Variants in CD163L1 observed in about 807,000 individuals in gnomAD.
CD163L1 encodes scavenger receptor cysteine-rich type 1 protein M160.
Under a neutral mutation model 165.4 loss-of-function variants are expected in CD163L1, and 124 were observed. That is an observed-to-expected ratio of 0.75 (90% CI 0.65 to 0.87). The LOEUF is 0.87. CD163L1 is among the 40% of genes least tolerant of loss of function. CD163L1 has a pLI of 0.00. For missense variants in CD163L1, 1,525 were observed against 1,799.9 expected, an observed-to-expected ratio of 0.85 and a Z score of 2.76; for synonymous variants, 585 against 662.2, an observed-to-expected ratio of 0.88 and a Z score of 1.79.
At chr12:7,322,464 C>T in the CD163L1 span, 5 of 1,613,880 alleles carry the variant, frequency 3.1e-6, no homozygotes, top group Non-Finnish European at 4.2e-6. Flanking sequence ...AGGGGAGCCA[C>T]TCAACCCAGA....
At chr12:7,320,652 G>A in the CD163L1 span, 3 of 1,247,694 alleles carry the variant, frequency 2.4e-6, no homozygotes, top group East Asian at 7.1e-5. Flanking sequence ...AAAATAACAG[G>A]GTGTAGATAT....
At chr12:7,339,570 G>A in the CD163L1 span, among the ~76,000 whole-genome samples, 1 of 152,080 alleles carries the variant, frequency 6.6e-6, no homozygotes, top group Admixed American at 6.6e-5. Context: ...GTGCCAGATA[G>A]CTAACCCCAT....
At position 7,433,609 on chromosome 12, in the gene CD163L1, C is replaced by T. The variant is rs748119744; in HGVS notation, c.210G>A (p.Gly70=). 6.2e-7 allele frequency: 1 copy of T among 1,614,006 alleles called. No individual in the cohort carries two copies. Among genetic ancestry groups the T allele is most frequent in the African/African-American group, 1.3e-5 (1 of 74,922 alleles). Residue 70 remains glycine, a synonymous_variant, in exon 3 of 20, where the codon GGG becomes GGA. Transcript: ENST00000313599. Reference sequence around the variant, plus strand: ...TGTTCCACCCATCATCACACACAGTCCCCCACTGTCCCTGGAATTTCACCT... The same window carrying T: ...TGTTCCACCCATCATCACACACAGTTCCCCACTGTCCCTGGAATTTCACCT... ...TVEVKFQGQW[G]TVCDDGWNTT...
chr12:7,376,577 A>G (rs74056468), intron 9 of CD163L1, among the ~76,000 whole-genome samples: 2,691 of 152,274 alleles, frequency 0.018, 69 homozygotes, highest in African/African-American at 0.059. Flanking sequence ...TTTCTTATAG[A>G]TATCTCAATG....
At position 7,375,533 on chromosome 12, in the gene CD163L1, C is replaced by T. The variant is rs774576441; in HGVS notation, c.2749G>A (p.Val917Met). 1.3e-5 allele frequency: 21 copies of T among 1,613,818 alleles called. No homozygotes were observed. Among genetic ancestry groups the T allele is most frequent in the East Asian group, 1.1e-4 (5 of 44,902 alleles). ...SQCDGQVEIN[V>M]LGHWGSLCDT... is the part of the protein sequence containing the mutation. ...CACAGTGAGCCCCAGTGTCCAAGCA[C>T]GTTGATCTCCACTTGCCCGTCACAC... Residue 917 changes from valine (V) to methionine (M), a missense_variant, in exon 11 of 20, where the codon GTG (valine) becomes ATG (methionine). By Grantham distance (21) the Val-to-Met change is conservative. Coordinates refer to ENST00000313599, the MANE Select transcript of CD163L1 (RefSeq NM_174941.6).
the CD163L1 span, among the ~76,000 whole-genome samples, chr12:7,321,850 C>T: frequency 6.6e-6 from 1 of 152,170 alleles, no homozygotes; most frequent in Non-Finnish European, 1.5e-5. Context: ...TTAAGAGCCC[C>T]CTCATAAGGT....
chr12:7,380,275 GT>G (rs1591900909), intron 8 of CD163L1, among the ~76,000 whole-genome samples: 10 of 128 alleles, frequency 0.078, no homozygotes, highest in South Asian at 0.25. Flanking sequence ...AGAAACTGTG[GT>G]GTGTGTGTGT....
chr12:7,334,027 C>G, the CD163L1 span, among the ~76,000 whole-genome samples: 2 of 151,864 alleles, frequency 1.3e-5, no homozygotes, highest in Non-Finnish European at 2.9e-5. Context: ...AAGTCCAGGA[C>G]CAGATGGATT....
Position 7,374,731 on chromosome 12 carries a change from A to G in CD163L1, c.3120T>C (p.Asp1040=), listed in dbSNP as rs1046433866. The stretch of plus-strand genomic sequence containing the variant: ...CTCTCCCGGCACAGCGGCTGTCCCC[A>G]TCCACTAGGCGGAGCCGTTTGTCCT... ...CLEDKRLRLV[D]GDSRCAGRVE... is the part of the protein sequence containing the mutation. The change falls in exon 13 of 20, where the codon GAT becomes GAC. Residue 1040 remains aspartate (D), a synonymous_variant. Coordinates refer to ENST00000313599, the MANE Select transcript of CD163L1 (RefSeq NM_174941.6). This position sits in a 1 kb window ranked among gnomAD's most constrained non-coding sequence, Gnocchi z 5.4. 2 of 1,613,776 alleles carry G rather than the reference A, an allele frequency of 1.2e-6. No homozygotes were observed. The highest frequency in any genetic ancestry group is 1.1e-5 in the South Asian group (1 of 91,052).
At chr12:7,376,887 C>T (rs913905180) in intron 9 of CD163L1, among the ~76,000 whole-genome samples, 1 of 152,050 alleles carries the variant, frequency 6.6e-6, no homozygotes, top group Non-Finnish European at 1.5e-5. Flanking sequence ...CTCTATAGTT[C>T]ATCTTTTAAA....
At chr12:7,348,432 G>A (rs1946685501) in intron 4 of CD163L1, among the ~76,000 whole-genome samples, 1 of 152,196 alleles carries the variant, frequency 6.6e-6, no homozygotes, top group African/African-American at 2.4e-5. Flanking sequence ...AGAGGAGAAT[G>A]GGTGACAGTA....
Position 7,420,399 on chromosome 12 carries a change from C to A in CD163L1, c.766+12017G>T, listed in dbSNP as rs770082786. 7.6e-4 allele frequency among the ~76,000 whole-genome samples: 115 copies of A among 151,882 alleles called. 2 individuals are homozygous for A. Among genetic ancestry groups the A allele is most frequent in the African/African-American group, 2.7e-3 (113 of 41,464 alleles). On this transcript the variant is annotated intron_variant, in intron 4 of 19. Coordinates refer to ENST00000313599, the MANE Select transcript of CD163L1 (RefSeq NM_174941.6). ...AAAAGCTTCTGCACAGCAAAAGAAA[C>A]AATCAGTAGGGCAAACAGAAAACCC...
intron 5 of CD163L1, among the ~76,000 whole-genome samples, chr12:7,404,058 T>C (rs1947967685): frequency 6.6e-6 from 1 of 152,176 alleles, no homozygotes; most frequent in Non-Finnish European, 1.5e-5. Context: ...TTTTAAAGAT[T>C]GTTTCATAAC....
intron 8 of CD163L1, among the ~76,000 whole-genome samples, chr12:7,393,943 A>C (rs1200492866): frequency 6.6e-6 from 1 of 152,196 alleles, no homozygotes; most frequent in Admixed American, 6.5e-5. Flanking sequence ...ATGGAAGAAC[A>C]TTCCATGCTC....
chr12:7,414,325 T>C (rs761121216), intron 4 of CD163L1, among the ~76,000 whole-genome samples: 3 of 151,906 alleles, frequency 2.0e-5, no homozygotes, highest in Non-Finnish European at 4.4e-5. Context: ...CAATGACACC[T>C]GAAAAATTCA....
chr12:7,421,527 A>G (rs1371774775), intron 4 of CD163L1, among the ~76,000 whole-genome samples: 1 of 128,830 alleles, frequency 7.8e-6, no homozygotes, highest in East Asian at 2.2e-4. Context: ...ATATGTACAT[A>G]TATACATATA....
chr12:7,421,355 ATGTG>A (rs1555202228), intron 4 of CD163L1, among the ~76,000 whole-genome samples: 47 of 101,944 alleles, frequency 4.6e-4, no homozygotes, highest in Non-Finnish European at 7.1e-4. Flanking sequence ...ATGTATATAT[ATGTG>A]TATATATGTA....
chr12:7,400,380 C>A lies in CD163L1; in HGVS notation c.1409-1796G>T, dbSNP rs1261612831. 6.6e-6 allele frequency among the ~76,000 whole-genome samples: 1 copy of A among 151,914 alleles called. No individual in the cohort carries two copies. The highest frequency in any genetic ancestry group is 1.5e-5 in the Non-Finnish European group (1 of 67,982). Reference sequence around the variant, plus strand: ...TATACTAAATAAAAATTCATAGAAACAAAGCAAAGAAAAACTTTTAATTCC... The same window carrying A: ...TATACTAAATAAAAATTCATAGAAAAAAAGCAAAGAAAAACTTTTAATTCC... On this transcript the variant is annotated intron_variant, in intron 6 of 19. Transcript: ENST00000313599. The surrounding 1 kb of genome is among the most constrained non-coding windows in gnomAD (Gnocchi z 4.1).
chr12:7,375,170 C>T (rs943975010), intron 11 of CD163L1, 111 bp downstream of exon 11: 5 of 1,066,626 alleles, frequency 4.7e-6, no homozygotes, highest in East Asian at 5.1e-5. Context: ...CATGCCTATC[C>T]CCCCTCCACC....
Sources: allele counts gnomAD v4.1 joint callset (sites outside exome capture counted in the v4.1 genomes callset), GRCh38; gene constraint gnomAD v4.1.1; non-coding constraint Gnocchi (gnomAD v3.1); transcripts MANE v1.5; gene names NCBI Gene and HGNC (gene_info 2026-07-23, HGNC 2026-07-21).